TBC1D4: variants seen among roughly 807,000 people sequenced by gnomAD.
The protein encoded by TBC1D4 is TBC1 domain family member 4.
A neutral mutation model predicts 142.5 loss-of-function variants in TBC1D4; 121 were observed. The observed-to-expected ratio is 0.85, with a 90% CI of 0.73 to 0.99. TBC1D4 has a LOEUF of 0.99. TBC1D4 is among the 50% of genes least tolerant of loss of function. The probability of loss-of-function intolerance (pLI) is 0.00; values close to 1 mark genes in which losing one functional copy is unlikely to be tolerated. For synonymous variants in TBC1D4, 630 were observed against 628.2 expected (o/e 1.00, Z -0.04); for missense variants, 1,475 against 1,606.6 (o/e 0.92, Z 1.40).
chr13:75,363,967 A>G (rs1593795143), intron 1 of TBC1D4, among the ~76,000 whole-genome samples: 2 of 152,312 alleles, frequency 1.3e-5, no homozygotes, highest in South Asian at 2.1e-4. Context: ...CATGTGCCCA[A>G]GGTGGTTGGG....
At chr13:75,405,446 T>C (rs1410058056) in intron 1 of TBC1D4, among the ~76,000 whole-genome samples, 1 of 152,042 alleles carries the variant, frequency 6.6e-6, no homozygotes, top group Non-Finnish European at 1.5e-5. Flanking sequence ...ATTTCTTTTG[T>C]ATTTTAGTAG....
intron 1 of TBC1D4, among the ~76,000 whole-genome samples, chr13:75,417,900 G>C (rs1391278319): frequency 6.6e-6 from 1 of 152,120 alleles, no homozygotes; most frequent in Non-Finnish European, 1.5e-5. Flanking sequence ...GCAATCTTGA[G>C]TAAGTCACAT....
chr13:75,312,968 T>C, intron 12 of TBC1D4, 70 bp from the exon 13 acceptor site: 1 of 1,560,924 alleles, frequency 6.4e-7, no homozygotes, highest in Non-Finnish European at 8.7e-7. Context: ...AACCAACTGG[T>C]AGCACAAGCC....
At chr13:75,367,939 C>T (rs1173011864) in intron 1 of TBC1D4, among the ~76,000 whole-genome samples, 1 of 152,142 alleles carries the variant, frequency 6.6e-6, no homozygotes, top group East Asian at 1.9e-4. Context: ...CAAGGAAACA[C>T]TAATCATTCC....
intron 1 of TBC1D4, among the ~76,000 whole-genome samples, chr13:75,418,605 T>A (rs1469230312): frequency 1.3e-5 from 2 of 152,212 alleles, no homozygotes; most frequent in Non-Finnish European, 2.9e-5. Context: ...ACACTTGTTA[T>A]CTACATAAAT....
At position 75,316,099 on chromosome 13, in the gene TBC1D4, A is replaced by C. The variant is rs539004044; in HGVS notation, c.2223-3201T>G. Among the ~76,000 whole-genome samples, 48 of 152,322 alleles carry C rather than the reference A, an allele frequency of 3.2e-4. 1 individual carries two copies. The South Asian group carries it at 9.7e-3, about 31-fold the overall frequency. Reference sequence around the variant, plus strand: ...AACAAACCAGAGTTGACCAAATCAGAGGACTCCGAAATGTTTATATTTTAA... The same window carrying C: ...AACAAACCAGAGTTGACCAAATCAGCGGACTCCGAAATGTTTATATTTTAA... On this transcript the variant is annotated intron_variant, in intron 12 of 20. Coordinates refer to ENST00000377636, the MANE Select transcript of TBC1D4 (RefSeq NM_014832.5).
chr13:75,400,642 T>TTTC, intron 1 of TBC1D4, among the ~76,000 whole-genome samples: 1 of 150,998 alleles, frequency 6.6e-6, no homozygotes, highest in Admixed American at 6.6e-5. Flanking sequence ...TATTTTTTTT[T>TTTC]TTTTAGTAGA....
Position 75,341,709 on chromosome 13 carries a change from C to T in TBC1D4, c.1409-122G>A, listed in dbSNP as rs756526307. ...CTGAACTTAAATCTTCTCAAGGAGA[C>T]GTGTTCCTGCCTACAAGAAACCTTG... is the stretch of plus-strand genomic sequence containing the variant. On this transcript the variant is annotated intron_variant, in intron 5 of 20. Transcript: ENST00000377636. 2.7e-5 allele frequency: 21 copies of T among 779,688 alleles called. 1 individual carries two copies. Among genetic ancestry groups the T allele is most frequent in the Non-Finnish European group, 3.6e-5 (16 of 446,430 alleles). The allele number at this position is 779,688 out of a possible 1,614,324, so 48.3% of individuals were successfully genotyped here. A position where few individuals can be genotyped will look rare whatever the true frequency, so the allele number is the denominator to read the frequency against.
intron 5 of TBC1D4, among the ~76,000 whole-genome samples, chr13:75,345,663 C>T (rs551928843): frequency 4.6e-5 from 7 of 151,506 alleles, no homozygotes; most frequent in East Asian, 3.9e-4. Context: ...GAGGCCAAGG[C>T]GGGCGGATTG....
chr13:75,409,799 TTAGCGAACCCTTTGC>T (rs2138389569), intron 1 of TBC1D4, among the ~76,000 whole-genome samples: 1 of 152,346 alleles, frequency 6.6e-6, no homozygotes, highest in Admixed American at 6.5e-5. Context: ...ATTAATAAAT[TTAGCGAACCCTTTGC>T]TAGATAGCTA....
intron 1 of TBC1D4, among the ~76,000 whole-genome samples, chr13:75,379,257 C>A (rs1883684163): frequency 6.6e-6 from 1 of 151,604 alleles, no homozygotes; most frequent in Non-Finnish European, 1.5e-5. Context: ...TATACATACA[C>A]ACATGCACAC....
intron 1 of TBC1D4, among the ~76,000 whole-genome samples, chr13:75,478,541 G>C (rs1211864598): frequency 6.6e-6 from 1 of 152,142 alleles, no homozygotes; most frequent in Non-Finnish European, 1.5e-5. Context: ...ATGATCTTAA[G>C]TCCAAATAAA....
chr13:75,375,502 A>G (rs1246624774), intron 1 of TBC1D4: 2 of 152,190 alleles, frequency 1.3e-5, no homozygotes, highest in African/African-American at 4.8e-5. Flanking sequence ...AACCCAAAAT[A>G]GCAATTGATT....
intron 1 of TBC1D4, among the ~76,000 whole-genome samples, chr13:75,476,272 T>C (rs533318371): frequency 1.2e-4 from 19 of 152,216 alleles, no homozygotes; most frequent in Admixed American, 7.8e-4. Context: ...ACAAAAAAAC[T>C]TCATTTGTGT....
At chr13:75,290,351 C>T (rs1875163569) in intron 19 of TBC1D4, among the ~76,000 whole-genome samples, 1 of 152,082 alleles carries the variant, frequency 6.6e-6, no homozygotes, top group Non-Finnish European at 1.5e-5. Context: ...ATCAGCATTT[C>T]ATTCCACAGT....
chr13:75,337,117 C>G, intron 7 of TBC1D4, 77 bp from the exon 8 acceptor site: 1 of 1,383,654 alleles, frequency 7.2e-7, no homozygotes, highest in South Asian at 1.2e-5. Flanking sequence ...AGGCTTAAGA[C>G]TAAGCTATTA....
chr13:75,402,497 G>A (rs1885140962), intron 1 of TBC1D4, among the ~76,000 whole-genome samples: 1 of 151,884 alleles, frequency 6.6e-6, no homozygotes, highest in Admixed American at 6.5e-5. Flanking sequence ...TCAGGTAATA[G>A]CTTCAAAAAA....
At chr13:75,359,994 C>G (rs1382065410) in intron 2 of TBC1D4, 136 bp from the exon 3 acceptor site, 1 of 706,724 alleles carries the variant, frequency 1.4e-6, no homozygotes, top group Non-Finnish European at 2.4e-6. Context: ...GCTTAAACAT[C>G]TAATCCAACC....
At position 75,283,721 on chromosome 13, in the gene TBC1D4, G is replaced by C. The variant is rs1258567813; in HGVS notation, c.*3071C>G. The stretch of plus-strand genomic sequence containing the variant: ...AGAATGCAAATCTGTCAATGTGGTT[G>C]CTTATATTTTTCTTTCAAAAGTCTC... On this transcript the variant is annotated 3_prime_UTR_variant, in exon 21 of 21. Transcript: ENST00000377636. 6.6e-6 allele frequency among the ~76,000 whole-genome samples: 1 copy of C among 152,148 alleles called. No individual in the cohort carries two copies. The highest frequency in any genetic ancestry group is 1.5e-5 in the Non-Finnish European group (1 of 68,024).
Sources: allele counts gnomAD v4.1 joint callset (sites outside exome capture counted in the v4.1 genomes callset), GRCh38; gene constraint gnomAD v4.1.1; transcripts MANE v1.5; gene names NCBI Gene and HGNC (gene_info 2026-07-23, HGNC 2026-07-21).